SGCD: variants seen among roughly 807,000 people sequenced by gnomAD.
SGCD encodes sarcoglycan delta, also known as delta-sarcoglycan.
In SGCD, 18 loss-of-function variants were observed where a neutral mutation model predicts 36.6. The observed-to-expected ratio is 0.49, with a 90% CI of 0.34 to 0.73. The LOEUF is 0.73. Among genes scored for constraint, SGCD ranks in the 30% least tolerant of loss-of-function variants. SGCD has a pLI of 0.01. For synonymous variants in SGCD, 133 were observed against 130.6 expected, an observed-to-expected ratio of 1.02 and a Z score of -0.12; for missense variants, 387 against 346.7, an observed-to-expected ratio of 1.12 and a Z score of -0.92.
At chr5:156,109,593 TC>T (rs1761735373) in intron 1 of SGCD, among the ~76,000 whole-genome samples, 1 of 152,186 alleles carries the variant, frequency 6.6e-6, no homozygotes, top group East Asian at 1.9e-4. Flanking sequence ...TTTATAAATT[TC>T]CTTGAAAGTA....
the SGCD span, among the ~76,000 whole-genome samples, chr5:155,769,437 C>CA: frequency 0.24 from 31,956 of 133,150 alleles, 3,873 homozygotes; most frequent in Admixed American, 0.43. Flanking sequence ...TAGAAATGAC[C>CA]AAAAAAAAAA....
rs368116194 is a variant in SGCD, at chr5:156,197,472, C to CTTTTT, written c.-44+73464_-44+73468dup. 3.3e-3 allele frequency among the ~76,000 whole-genome samples: 438 copies of CTTTTT among 133,980 alleles called. 9 individuals carry two copies. The highest frequency in any genetic ancestry group is 0.011 in the African/African-American group (409 of 36,566). 87.9% of individuals were successfully genotyped at this position (133,980 alleles called of 152,430 possible). A position where few individuals can be genotyped will look rare whatever the true frequency, so the allele number is the denominator to read the frequency against. On this transcript the variant is annotated intron_variant, in intron 3 of 9. Transcript: ENST00000517913. ...AACTCTTTAGAATTGAATAGTTTTC[C>CTTTTT]TTTTTTTTTTTTTTTGGCTAAACAG...
chr5:156,148,380 C>T (rs1762756463), intron 3 of SGCD, among the ~76,000 whole-genome samples: 1 of 152,056 alleles, frequency 6.6e-6, no homozygotes, highest in South Asian at 2.1e-4. Flanking sequence ...AAATTTCTCT[C>T]CAAGAGAAAA....
At chr5:156,427,614 C>T (rs1035416690) in intron 3 of SGCD, among the ~76,000 whole-genome samples, 1 of 152,020 alleles carries the variant, frequency 6.6e-6, no homozygotes. Flanking sequence ...TGTGTTGTTC[C>T]ATTTTTCAGG....
chr5:156,188,675 C>CA (rs749626885), intron 3 of SGCD, among the ~76,000 whole-genome samples: 60 of 129,052 alleles, frequency 4.6e-4, no homozygotes, highest in African/African-American at 1.4e-3. Flanking sequence ...ACCGCCCCCC[C>CA]CGACACACAT....
intron 4 of SGCD, among the ~76,000 whole-genome samples, chr5:156,521,470 A>G (rs1757401841): frequency 1.3e-5 from 2 of 152,228 alleles, no homozygotes; most frequent in African/African-American, 2.4e-5. Context: ...GAAAGGTCTA[A>G]TATTCAGAGT....
intron 3 of SGCD, among the ~76,000 whole-genome samples, chr5:156,361,859 C>T (rs974863175): frequency 3.9e-5 from 6 of 152,118 alleles, no homozygotes; most frequent in African/African-American, 1.4e-4. Context: ...TGTGATGCAT[C>T]CTCTGAAGTC....
chr5:156,261,275 G>A (rs1373218937), intron 3 of SGCD, among the ~76,000 whole-genome samples: 1 of 152,104 alleles, frequency 6.6e-6, no homozygotes, highest in Non-Finnish European at 1.5e-5. Context: ...TTTGGGCATA[G>A]GATACCCTAT....
At chr5:156,659,717 TG>T (rs1242036135) in intron 7 of SGCD, among the ~76,000 whole-genome samples, 2 of 143,736 alleles carry the variant, frequency 1.4e-5, no homozygotes, top group Non-Finnish European at 3.0e-5. Flanking sequence ...TCCATAATTC[TG>T]GATGTTCAGG....
At chr5:156,258,688 T>C (rs909134613) in intron 3 of SGCD, among the ~76,000 whole-genome samples, 1 of 152,186 alleles carries the variant, frequency 6.6e-6, no homozygotes, top group Non-Finnish European at 1.5e-5. Flanking sequence ...TTAAAGCAGA[T>C]TTTAAAGAGA....
chr5:156,563,970 T>C (rs1438379755), intron 4 of SGCD, among the ~76,000 whole-genome samples: 7 of 152,266 alleles, frequency 4.6e-5, no homozygotes, highest in Non-Finnish European at 1.5e-5. Context: ...CTTAATCTCT[T>C]TCCTATCTGG....
intron 7 of SGCD, among the ~76,000 whole-genome samples, chr5:156,690,420 T>A (rs157334): frequency 0.78 from 118,801 of 152,086 alleles, 47,100 homozygotes; most frequent in Admixed American, 0.86. Context: ...TGGGGAAAAG[T>A]GAGCACTCAA....
At chr5:156,059,897 C>A (rs1305809668) in intron 1 of SGCD, among the ~76,000 whole-genome samples, 1 of 146,428 alleles carries the variant, frequency 6.8e-6, no homozygotes, top group African/African-American at 2.5e-5. Context: ...TTCCTCTTTT[C>A]TTTTTAGCTG....
At chr5:156,469,108 G>T (rs1411893384) in intron 3 of SGCD, among the ~76,000 whole-genome samples, 1 of 152,152 alleles carries the variant, frequency 6.6e-6, no homozygotes, top group Non-Finnish European at 1.5e-5. Context: ...TTATTGCAAG[G>T]CATGGGTTCT....
At chr5:155,744,832 A>C in the SGCD span, among the ~76,000 whole-genome samples, 1 of 152,242 alleles carries the variant, frequency 6.6e-6, no homozygotes, top group Non-Finnish European at 1.5e-5. Context: ...ACATTTGATG[A>C]GATAATGGCT....
intron 3 of SGCD, among the ~76,000 whole-genome samples, chr5:156,486,329 A>T (rs1004419236): frequency 2.0e-4 from 30 of 152,038 alleles, no homozygotes; most frequent in Non-Finnish European, 5.9e-5. Flanking sequence ...TGCCCCTGAG[A>T]CAAAGGAGAC....
chr5:156,494,400 C>T (rs1335055218), intron 3 of SGCD, among the ~76,000 whole-genome samples: 2 of 148,390 alleles, frequency 1.3e-5, no homozygotes, highest in Non-Finnish European at 3.0e-5. Context: ...GATTCCAAAA[C>T]CTATGGTCTA....
intron 1 of SGCD, among the ~76,000 whole-genome samples, chr5:155,980,627 A>C (rs1484030156): frequency 1.6e-5 from 2 of 121,906 alleles, no homozygotes; most frequent in African/African-American, 6.0e-5. Flanking sequence ...AAAAAAAAAA[A>C]AAAAAAAAAA....
the SGCD span, among the ~76,000 whole-genome samples, chr5:155,803,671 G>GTT: frequency 2.6e-5 from 4 of 152,174 alleles, no homozygotes; most frequent in Non-Finnish European, 4.4e-5. Flanking sequence ...TTATTTGACT[G>GTT]TTTCTATTAT....
Sources: gnomAD v4.1 joint callset for allele counts (sites outside exome capture counted in the v4.1 genomes callset) on GRCh38, gnomAD v4.1.1 for gene constraint, MANE v1.5 for transcripts, NCBI Gene and HGNC (gene_info 2026-07-23, HGNC 2026-07-21) for gene names.